THSD7B: variants seen among roughly 807,000 people sequenced by gnomAD.
THSD7B encodes thrombospondin type-1 domain-containing protein 7B.
Under a neutral mutation model 213.6 loss-of-function variants are expected in THSD7B, and 138 were observed. The observed-to-expected ratio is 0.65, with a 90% CI of 0.56 to 0.74. THSD7B has a LOEUF of 0.74. THSD7B is among the 30% of genes least tolerant of loss of function. THSD7B has a pLI of 0.00. For missense variants in THSD7B, 1,931 were observed against 1,991.5 expected (o/e 0.97, Z 0.58); for synonymous variants, 742 against 687.0 (o/e 1.08, Z -1.25).
chr2:136,894,340 G>A (rs1683913842), intron 2 of THSD7B, among the ~76,000 whole-genome samples: 2 of 152,108 alleles, frequency 1.3e-5, no homozygotes, highest in Admixed American at 1.3e-4. Context: ...AAATACTGAT[G>A]ACTGTACATG....
intron 13 of THSD7B, among the ~76,000 whole-genome samples, 167 bp from the exon 14 acceptor site, chr2:137,411,442 G>A (rs1686648424): frequency 6.6e-6 from 1 of 152,062 alleles, no homozygotes; most frequent in South Asian, 2.1e-4. Context: ...AGTTGTTCTG[G>A]GAGTTGTTTC....
intron 10 of THSD7B, among the ~76,000 whole-genome samples, chr2:137,249,569 C>T (rs763682697): frequency 3.8e-4 from 58 of 152,152 alleles, no homozygotes; most frequent in Non-Finnish European, 5.9e-4. Flanking sequence ...TTTAGAAAGA[C>T]CTGAAATCTA....
At chr2:137,264,172 T>A (rs544782168) in intron 10 of THSD7B, among the ~76,000 whole-genome samples, 1 of 152,302 alleles carries the variant, frequency 6.6e-6, no homozygotes, top group South Asian at 2.1e-4. Flanking sequence ...GTCACAGATT[T>A]AAAGGTGAAT....
intron 12 of THSD7B, among the ~76,000 whole-genome samples, chr2:137,379,779 G>T (rs919607988): frequency 2.0e-5 from 3 of 152,250 alleles, no homozygotes; most frequent in Admixed American, 2.0e-4. Context: ...GAGGAATTTG[G>T]CCAGGGTGAC....
chr2:136,902,142 A>T (rs1482724003), intron 2 of THSD7B, among the ~76,000 whole-genome samples: 2 of 139,678 alleles, frequency 1.4e-5, no homozygotes, highest in Non-Finnish European at 3.3e-5. Flanking sequence ...ACTTAAGTCA[A>T]ATCATGGAAA....
chr2:137,440,899 A>G (rs1383924527), intron 14 of THSD7B, among the ~76,000 whole-genome samples: 3 of 152,084 alleles, frequency 2.0e-5, no homozygotes, highest in Admixed American at 6.6e-5. Context: ...ATCCCATGAG[A>G]CACATAGAGA....
intron 2 of THSD7B, among the ~76,000 whole-genome samples, chr2:136,970,275 G>A (rs1685383024): frequency 1.3e-5 from 2 of 151,972 alleles, no homozygotes; most frequent in Non-Finnish European, 1.5e-5. Context: ...ACCAGCCTGG[G>A]CAACATGGAG....
chr2:137,331,957 G>T (rs570644633), intron 12 of THSD7B, among the ~76,000 whole-genome samples: 1 of 152,112 alleles, frequency 6.6e-6, no homozygotes, highest in South Asian at 2.1e-4. Context: ...CACAAGCGCC[G>T]CACACAGCCC....
intron 12 of THSD7B, among the ~76,000 whole-genome samples, chr2:137,350,629 C>T (rs1408506264): frequency 6.6e-6 from 1 of 151,692 alleles, no homozygotes; most frequent in African/African-American, 2.4e-5. Flanking sequence ...TGAAAGAGAT[C>T]ACTCTGCAAG....
intron 12 of THSD7B, among the ~76,000 whole-genome samples, chr2:137,363,468 C>T (rs950982705): frequency 6.6e-6 from 1 of 151,744 alleles, no homozygotes; most frequent in Admixed American, 6.6e-5. Context: ...TTGAAAAGAT[C>T]AACAAAATTG....
intron 17 of THSD7B, 138 bp from the exon 18 acceptor site, chr2:137,616,037 T>C: frequency 1.2e-6 from 1 of 836,848 alleles, no homozygotes; most frequent in Non-Finnish European, 1.7e-6. Flanking sequence ...ATGGTTTCAT[T>C]TTCTAAGTAA....
chr2:137,030,734 G>A (rs1389993412), intron 2 of THSD7B, among the ~76,000 whole-genome samples: 1 of 152,076 alleles, frequency 6.6e-6, no homozygotes, highest in Non-Finnish European at 1.5e-5. Flanking sequence ...GTACACAAAG[G>A]TATACAGAGT....
intron 2 of THSD7B, among the ~76,000 whole-genome samples, chr2:136,968,295 AT>A (rs1192015362): frequency 2.0e-5 from 3 of 151,990 alleles, no homozygotes; most frequent in Non-Finnish European, 4.4e-5. Context: ...AAATTTTTTA[AT>A]TTTTATTTTG....
chr2:136,877,562 C>T (rs1683545238), intron 1 of THSD7B, among the ~76,000 whole-genome samples: 1 of 152,174 alleles, frequency 6.6e-6, no homozygotes, highest in Admixed American at 6.5e-5. Context: ...TTTTACTTCT[C>T]ATCCCTGGAT....
chr2:137,405,569 G>T, intron 12 of THSD7B, 44 bp from the exon 13 acceptor site: 2 of 1,534,778 alleles, frequency 1.3e-6, no homozygotes, highest in South Asian at 2.6e-5. Context: ...GCAGCTGACT[G>T]ATTTAATCAA....
At position 136,966,140 on chromosome 2, in the gene THSD7B, C is replaced by G. The variant is rs1485783713; in HGVS notation, c.139+83823C>G. Among the ~76,000 whole-genome samples the G allele has an allele frequency of 2.0e-5, 3 of 152,168 alleles. No homozygotes were observed. In the South Asian group the frequency reaches 6.2e-4, roughly 32 times the overall value. On this transcript the variant is annotated intron_variant, in intron 2 of 27. Transcript: ENST00000409968. ...TCTTTCTCACAGTGGTCTCAGGGAT[C>G]TTGCTGTCTAGACTTCCAACCTCAG... is the stretch of plus-strand genomic sequence containing the variant.
intron 4 of THSD7B, among the ~76,000 whole-genome samples, chr2:137,097,807 C>CAT (rs1193453014): frequency 6.7e-6 from 1 of 148,594 alleles, no homozygotes; most frequent in Non-Finnish European, 1.5e-5. Context: ...CACACACACA[C>CAT]ACCTTTAAAA....
At chr2:136,809,557 C>T (rs1203446004) in intron 1 of THSD7B, among the ~76,000 whole-genome samples, 1 of 152,102 alleles carries the variant, frequency 6.6e-6, no homozygotes, top group Non-Finnish European at 1.5e-5. Context: ...TGAGACCCTG[C>T]CTTTCTAATA....
chr2:136,997,371 G>A (rs1685913562), intron 2 of THSD7B, among the ~76,000 whole-genome samples: 1 of 152,160 alleles, frequency 6.6e-6, no homozygotes, highest in South Asian at 2.1e-4. Context: ...GGGGAGATTT[G>A]TTTCATTGGG....
Sources: gnomAD v4.1 joint callset for allele counts (sites outside exome capture counted in the v4.1 genomes callset) on GRCh38, gnomAD v4.1.1 for gene constraint, MANE v1.5 for transcripts, NCBI Gene and HGNC (gene_info 2026-07-23, HGNC 2026-07-21) for gene names.